Variants in CSMD1 observed in about 807,000 individuals in gnomAD.
CSMD1 encodes the protein CUB and Sushi multiple domains 1.
In CSMD1, 213 loss-of-function variants were observed where a neutral mutation model predicts 417.5. The observed-to-expected ratio is 0.51, with a 90% CI of 0.46 to 0.57. CSMD1 has a LOEUF of 0.57. Ranked by LOEUF, CSMD1 falls within the 20% of genes least tolerant of loss-of-function variation. The pLI is 0.00. For synonymous variants in CSMD1, 2,862 were observed against 1,736.8 expected, an observed-to-expected ratio of 1.65 and a Z score of -16.11; for missense variants, 6,923 against 4,529.7, an observed-to-expected ratio of 1.53 and a Z score of -15.17.
chr8:3,827,694 T>G (rs1411793508), intron 5 of CSMD1, among the ~76,000 whole-genome samples: 1 of 152,238 alleles, frequency 6.6e-6, no homozygotes, highest in Admixed American at 6.5e-5. Context: ...ATTGACTTCA[T>G]TGTGAGTTTT....
chr8:3,446,203 G>A (rs73497427), intron 12 of CSMD1, among the ~76,000 whole-genome samples: 18,026 of 152,180 alleles, frequency 0.12, 1,125 homozygotes, highest in Middle Eastern at 0.16. Context: ...AAAAAATCGT[G>A]AATGCACTTT....
intron 3 of CSMD1, among the ~76,000 whole-genome samples, chr8:4,387,422 C>G (rs1464215755): frequency 6.6e-6 from 1 of 151,608 alleles, no homozygotes; most frequent in Non-Finnish European, 1.5e-5. Context: ...AGTAATGACT[C>G]AAAGCATTAT....
chr8:3,776,483 A>T (rs1429626963), intron 5 of CSMD1, among the ~76,000 whole-genome samples: 1 of 152,174 alleles, frequency 6.6e-6, no homozygotes, highest in Non-Finnish European at 1.5e-5. Flanking sequence ...GTGGCCACAC[A>T]CACATTTCCT....
At chr8:4,441,386 C>T (rs961151993) in intron 2 of CSMD1, among the ~76,000 whole-genome samples, 5 of 149,594 alleles carry the variant, frequency 3.3e-5, no homozygotes, top group East Asian at 2.0e-4. Context: ...GTGCTGTAAT[C>T]ACAGGCATGA....
intron 39 of CSMD1, among the ~76,000 whole-genome samples, chr8:3,152,552 G>A (rs1250216417): frequency 2.6e-5 from 4 of 152,112 alleles, no homozygotes; most frequent in African/African-American, 7.2e-5. Context: ...CAACTTATTT[G>A]TAATTTGAGA....
At chr8:3,999,333 C>A (rs1255947031) in intron 4 of CSMD1, among the ~76,000 whole-genome samples, 2 of 152,130 alleles carry the variant, frequency 1.3e-5, no homozygotes, top group Non-Finnish European at 2.9e-5. Flanking sequence ...AAGTGCATAT[C>A]TTCGACCCTA....
intron 3 of CSMD1, among the ~76,000 whole-genome samples, chr8:4,295,952 C>A (rs929955545): frequency 4.0e-5 from 6 of 151,562 alleles, no homozygotes; most frequent in Non-Finnish European, 4.4e-5. Context: ...CAGACTCACT[C>A]TGTAGAACAT....
At chr8:3,290,616 GCTCT>G (rs1803482277) in intron 25 of CSMD1, among the ~76,000 whole-genome samples, 1 of 146,812 alleles carries the variant, frequency 6.8e-6, no homozygotes, top group Admixed American at 6.7e-5. Flanking sequence ...TCATGATTTG[GCTCT>G]CTGTTTGTCT....
rs1047263259 is a variant in CSMD1 at position 3,754,255 on chromosome 8, T to C, written c.819-213A>G. 3.3e-5 allele frequency among the ~76,000 whole-genome samples: 5 copies of C among 152,154 alleles called. No homozygotes were observed. The South Asian group carries it at 6.2e-4, about 19-fold the overall frequency. On this transcript the variant is annotated intron_variant, in intron 5 of 69. Transcript: ENST00000635120. ...GCTAAATCCCTAGATGGAATGAATG[T>C]TTTCAAAAATATTTGATACTTTCAT...
At chr8:4,747,644 C>T (rs1165102904) in intron 1 of CSMD1, among the ~76,000 whole-genome samples, 1 of 152,168 alleles carries the variant, frequency 6.6e-6, no homozygotes, top group Non-Finnish European at 1.5e-5. Context: ...CAACCTTCTG[C>T]TTTATACTCA....
chr8:4,928,611 T>C (rs1199155163), intron 1 of CSMD1, among the ~76,000 whole-genome samples: 1 of 152,160 alleles, frequency 6.6e-6, no homozygotes, highest in African/African-American at 2.4e-5. Context: ...ACAAACGCGC[T>C]GAGAAGTAAC....
chr8:3,907,070 C>T (rs1018171824), intron 5 of CSMD1, among the ~76,000 whole-genome samples: 1 of 152,124 alleles, frequency 6.6e-6, no homozygotes, highest in African/African-American at 2.4e-5. Flanking sequence ...AATGTCGTAG[C>T]TAGTAATCAC....
intron 1 of CSMD1, 37 bp from the exon 2 acceptor site, chr8:4,637,595 C>A (rs779437772): frequency 7.4e-7 from 1 of 1,350,110 alleles, no homozygotes. Context: ...GCATATTATT[C>A]TGGCCATCTT....
At chr8:4,853,285 G>T (rs186371378) in intron 1 of CSMD1, among the ~76,000 whole-genome samples, 1 of 152,182 alleles carries the variant, frequency 6.6e-6, no homozygotes, top group Non-Finnish European at 1.5e-5. Context: ...TACAAAGAAA[G>T]AACAATTTTA....
intron 6 of CSMD1, among the ~76,000 whole-genome samples, chr8:3,736,011 TA>T (rs1005064756): frequency 3.3e-5 from 5 of 151,546 alleles, no homozygotes; most frequent in Admixed American, 3.3e-4. Context: ...TGCGGTGGAT[TA>T]AAAAAAATAG....
chr8:3,523,781 C>A (rs1217488921), intron 10 of CSMD1, among the ~76,000 whole-genome samples: 5 of 124,608 alleles, frequency 4.0e-5, no homozygotes, highest in African/African-American at 1.7e-4. Context: ...ACATGCACAC[C>A]CAGAGACATA....
chr8:4,706,920 A>C (rs997989589), intron 1 of CSMD1, among the ~76,000 whole-genome samples: 4 of 152,226 alleles, frequency 2.6e-5, no homozygotes, highest in South Asian at 2.1e-4. Context: ...CTGATTCATG[A>C]AACTATGAGT....
At chr8:3,585,767 G>C (rs17323568) in intron 9 of CSMD1, among the ~76,000 whole-genome samples, 34,919 of 152,010 alleles carry the variant, frequency 0.23, 4,261 homozygotes, top group Non-Finnish European at 0.27. Flanking sequence ...CACTGCAATA[G>C]GAAAGTGAAC....
chr8:4,608,125 G>A (rs1438973431), intron 2 of CSMD1, among the ~76,000 whole-genome samples: 2 of 152,192 alleles, frequency 1.3e-5, no homozygotes, highest in Non-Finnish European at 2.9e-5. Context: ...TCCCTGGTGT[G>A]AAGACAGGAA....
Sources: gnomAD v4.1 joint callset for allele counts (sites outside exome capture counted in the v4.1 genomes callset) on GRCh38, gnomAD v4.1.1 for gene constraint, MANE v1.5 for transcripts, NCBI Gene and HGNC (gene_info 2026-07-23, HGNC 2026-07-21) for gene names.